CRY1: variants seen among roughly 807,000 people sequenced by gnomAD.
CRY1 encodes cryptochrome circadian regulator 1.
In CRY1, 45 loss-of-function variants were observed where a neutral mutation model predicts 76.0. The observed-to-expected ratio is 0.59, with a 90% confidence interval of 0.47 to 0.76. The LOEUF is 0.76. CRY1 is among the 30% of genes least tolerant of loss of function. The pLI is 0.00. For synonymous variants in CRY1, 248 were observed against 244.0 expected (o/e 1.02, Z -0.15); for missense variants, 587 against 716.4 (o/e 0.82, Z 2.06).
intron 10 of CRY1, among the ~76,000 whole-genome samples, chr12:106,994,966 C>T (rs1952217792): frequency 6.6e-6 from 1 of 152,238 alleles, no homozygotes; most frequent in Non-Finnish European, 1.5e-5. Context: ...CAACTGTCGA[C>T]TGCTGGGTGG....
At chr12:107,042,771 G>A (rs1014615959) in intron 1 of CRY1, among the ~76,000 whole-genome samples, 1 of 152,062 alleles carries the variant, frequency 6.6e-6, no homozygotes, top group African/African-American at 2.4e-5. Context: ...ATGGCCACAC[G>A]GAGAATGGAA....
At chr12:107,050,103 A>C (rs1443109063) in intron 1 of CRY1, 1 of 152,248 alleles carries the variant, frequency 6.6e-6, no homozygotes, top group Non-Finnish European at 1.5e-5. Context: ...AGGGGAAAGT[A>C]AAAGCAAGAG....
At chr12:106,999,082 C>T (rs183293498) in intron 7 of CRY1, among the ~76,000 whole-genome samples, 2 of 149,360 alleles carry the variant, frequency 1.3e-5, no homozygotes, top group South Asian at 2.1e-4. Flanking sequence ...AGTCTTATTA[C>T]GTGTAATCCA....
Position 107,056,163 on chromosome 12 carries a change from C to A in CRY1, c.159-33971G>T, listed in dbSNP as rs139542230. Among the ~76,000 whole-genome samples, 916 of 152,280 alleles carry A rather than the reference C, an allele frequency of 6.0e-3. 7 individuals carry two copies. Among genetic ancestry groups the A allele is most frequent in the Non-Finnish European group, 0.01 (706 of 68,010 alleles). Reference sequence around the variant, plus strand: ...CAGAAATTAAAGCCTAGAACCAGCTCAAGACAGAGAGTCTAAGATACTCCA... The same window carrying A: ...CAGAAATTAAAGCCTAGAACCAGCTAAAGACAGAGAGTCTAAGATACTCCA... On this transcript the variant is annotated intron_variant, in intron 1 of 12. Coordinates refer to ENST00000008527, the MANE Select transcript of CRY1 (RefSeq NM_004075.5).
intron 2 of CRY1, among the ~76,000 whole-genome samples, chr12:107,014,498 A>G (rs1189263209): frequency 1.3e-5 from 2 of 152,212 alleles, no homozygotes; most frequent in African/African-American, 4.8e-5. Context: ...TTTGGCACTA[A>G]GAAATAATAA....
At chr12:107,023,944 G>T (rs1002543742) in intron 1 of CRY1, among the ~76,000 whole-genome samples, 1 of 152,156 alleles carries the variant, frequency 6.6e-6, no homozygotes, top group Admixed American at 6.6e-5. Flanking sequence ...ATCATGTCTG[G>T]TGACAAATGT....
chr12:106,997,668 C>A lies in CRY1; in HGVS notation c.1312G>T (p.Gly438Cys). The A allele has an allele frequency of 6.2e-7, 1 of 1,613,964 alleles. No individual in the cohort carries two copies. Among genetic ancestry groups the A allele is most frequent in the Non-Finnish European group, 8.5e-7 (1 of 1,179,946 alleles). The change falls in exon 9 of 13, where the codon GGC becomes TGC. Residue 438 changes from glycine to cysteine, a missense_variant. Physicochemically the swap from Gly to Cys is radical, Grantham distance 159. Coordinates refer to ENST00000008527, the MANE Select transcript of CRY1 (RefSeq NM_004075.5). Reference protein sequence around the residue: ...YIRRYLPVLRGFPAKYIYDPW... With the variant: ...YIRRYLPVLRCFPAKYIYDPW... ...TCATAGATATATTTTGCAGGGAAGC[C>A]TCTTAGGACAGGCAAATAACGCCTT...
intron 1 of CRY1, among the ~76,000 whole-genome samples, chr12:107,036,715 C>G (rs1952737075): frequency 1.3e-5 from 2 of 152,094 alleles, no homozygotes; most frequent in African/African-American, 4.8e-5. Flanking sequence ...AGCCACATGT[C>G]CTCCTTGGGA....
intron 1 of CRY1, among the ~76,000 whole-genome samples, chr12:107,039,780 C>CGGTA (rs1308444106): frequency 6.6e-6 from 1 of 152,092 alleles, no homozygotes; most frequent in African/African-American, 2.4e-5. Flanking sequence ...TTGAATAGAA[C>CGGTA]TACCATATGA....
intron 2 of CRY1, among the ~76,000 whole-genome samples, chr12:107,014,240 T>G (rs7316535): frequency 0.71 from 107,581 of 152,050 alleles, 39,095 homozygotes; most frequent in East Asian, 0.97. Context: ...CTAACCAGGT[T>G]ATCTGTAGAA....
intron 1 of CRY1, among the ~76,000 whole-genome samples, chr12:107,050,736 A>T (rs1016150878): frequency 1.3e-5 from 2 of 152,246 alleles, no homozygotes; most frequent in Non-Finnish European, 2.9e-5. Context: ...AGGCTGACAG[A>T]AAGGACAGAC....
rs924254650 is a variant in CRY1 at position 107,011,394 on chromosome 12, G to A, written c.268-6146C>T. On this transcript the variant is annotated intron_variant, in intron 2 of 12. Coordinates refer to ENST00000008527, the MANE Select transcript of CRY1 (RefSeq NM_004075.5). ...AAAACAAAAAAGAAAGCTGAGGCAG[G>A]CCAAAAGCTAGGCCATTTGCACCAG... is the stretch of plus-strand genomic sequence containing the variant. Among the ~76,000 whole-genome samples the A allele has an allele frequency of 4.6e-5, 7 of 151,546 alleles. No individual in the cohort carries two copies. The South Asian group carries it at 1.0e-3, about 23-fold the overall frequency.
At chr12:107,080,732 A>G (rs1953312336) in intron 1 of CRY1, among the ~76,000 whole-genome samples, 1 of 152,112 alleles carries the variant, frequency 6.6e-6, no homozygotes, top group Non-Finnish European at 1.5e-5. Flanking sequence ...TAGTTTTGGT[A>G]GAGTGGGTGG....
At chr12:107,059,725 A>G (rs1387598208) in intron 1 of CRY1, among the ~76,000 whole-genome samples, 1 of 152,218 alleles carries the variant, frequency 6.6e-6, no homozygotes, top group Non-Finnish European at 1.5e-5. Flanking sequence ...TCACAGTGAC[A>G]GAACTCAGAA....
chr12:107,049,016 T>C (rs1952883790), intron 1 of CRY1, among the ~76,000 whole-genome samples: 1 of 152,238 alleles, frequency 6.6e-6, no homozygotes, highest in South Asian at 2.1e-4. Flanking sequence ...CATTTACTTG[T>C]GGCACACTTC....
intron 1 of CRY1, among the ~76,000 whole-genome samples, chr12:107,049,169 G>C (rs1952886424): frequency 6.6e-6 from 1 of 152,094 alleles, no homozygotes; most frequent in Non-Finnish European, 1.5e-5. Flanking sequence ...AAATAGTCCA[G>C]GGCTCCTCTT....
intron 1 of CRY1, 146 bp from the exon 2 acceptor site, chr12:107,022,338 ATAC>A (rs902554990): frequency 2.4e-5 from 9 of 376,450 alleles, no homozygotes; most frequent in Admixed American, 8.6e-5. Context: ...TCCAAAAACC[ATAC>A]TAATATATAT....
chr12:107,007,512 A>T (rs1233657915), intron 2 of CRY1, among the ~76,000 whole-genome samples: 2 of 151,914 alleles, frequency 1.3e-5, no homozygotes, highest in Non-Finnish European at 2.9e-5. Context: ...TCAATGAATG[A>T]CAGGAACTCT....
chr12:107,027,591 A>G (rs1326993918), intron 1 of CRY1, among the ~76,000 whole-genome samples: 2 of 152,276 alleles, frequency 1.3e-5, no homozygotes, highest in East Asian at 1.9e-4. Context: ...GACAAAATAT[A>G]TATTTCTTCA....
Sources: allele counts gnomAD v4.1 joint callset (sites outside exome capture counted in the v4.1 genomes callset), GRCh38; gene constraint gnomAD v4.1.1; transcripts MANE v1.5; gene names NCBI Gene and HGNC (gene_info 2026-07-23, HGNC 2026-07-21).